Variants in THRB observed in about 807,000 individuals in gnomAD.
THRB encodes nuclear receptor subfamily 1 group A member 2.
Under a neutral mutation model 47.8 loss-of-function variants are expected in THRB, and 12 were observed. The ratio of observed to expected loss-of-function variants is 0.25; its 90% CI spans 0.16 to 0.41. The LOEUF (loss-of-function observed/expected upper bound fraction) is 0.41, where lower values mean the gene tolerates loss of function less well. Ranked by LOEUF, THRB falls within the 10% of genes least tolerant of loss-of-function variation. The probability of loss-of-function intolerance (pLI) is 1.00; values close to 1 mark genes in which losing one functional copy is unlikely to be tolerated. For missense variants in THRB, 348 were observed against 589.2 expected, an observed-to-expected ratio of 0.59 and a Z score of 4.24; for synonymous variants, 218 against 212.2, an observed-to-expected ratio of 1.03 and a Z score of -0.24.
rs185552168 is a variant in THRB at position 24,492,984 on chromosome 3, G to C, written c.-261+1668C>G. On this transcript the variant is annotated intron_variant, in intron 1 of 10. Coordinates refer to ENST00000646209, the MANE Select transcript of THRB (RefSeq NM_001354712.2). ...CACTTCCAATATATAATAAACCTCT[G>C]AGATCAGGTAAAAATAGATTCTGTT... is the stretch of plus-strand genomic sequence containing the variant. Among the ~76,000 whole-genome samples the C allele has an allele frequency of 2.0e-3, 298 of 152,276 alleles. 2 individuals carry two copies. Among genetic ancestry groups the C allele is most frequent in the Non-Finnish European group, 2.8e-3 (193 of 68,028 alleles).
chr3:24,225,257 G>A (rs948079248), intron 4 of THRB, among the ~76,000 whole-genome samples: 8 of 152,114 alleles, frequency 5.3e-5, no homozygotes, highest in Non-Finnish European at 8.8e-5. Flanking sequence ...GGGAAATTTT[G>A]GGGTAACATC....
intron 4 of THRB, among the ~76,000 whole-genome samples, chr3:24,208,641 G>C (rs1044258101): frequency 1.3e-5 from 2 of 152,194 alleles, no homozygotes; most frequent in Admixed American, 1.3e-4. Context: ...AAACTGGGTA[G>C]CCATATGTAG....
At chr3:24,188,940 T>A (rs2042988041) in intron 5 of THRB, among the ~76,000 whole-genome samples, 1 of 147,204 alleles carries the variant, frequency 6.8e-6, no homozygotes, top group African/African-American at 2.6e-5. Context: ...TAGTTTTGAC[T>A]GCACTCAAAT....
At chr3:24,417,121 C>T (rs2068808422) in intron 1 of THRB, among the ~76,000 whole-genome samples, 1 of 151,348 alleles carries the variant, frequency 6.6e-6, no homozygotes, top group African/African-American at 2.4e-5. Flanking sequence ...CACACACACA[C>T]ACACACACAC....
rs866600877 is a variant in THRB at position 24,321,699 on chromosome 3, A to C, written c.-189+15601T>G. ...TTCCCCTAAAGAACCGTGAATCCAAAATGTTAGGAATGATTGTCCTAGAAT... is the reference window on the plus strand; with the variant it reads ...TTCCCCTAAAGAACCGTGAATCCAACATGTTAGGAATGATTGTCCTAGAAT... On this transcript the variant is annotated intron_variant, in intron 2 of 10. Coordinates refer to ENST00000646209, the MANE Select transcript of THRB (RefSeq NM_001354712.2). 7.2e-5 allele frequency among the ~76,000 whole-genome samples: 11 copies of C among 152,190 alleles called. No individual in the cohort carries two copies. In the South Asian group the frequency reaches 8.3e-4, roughly 11 times the overall value.
At chr3:24,399,716 C>T (rs1225176854) in intron 1 of THRB, among the ~76,000 whole-genome samples, 5 of 152,106 alleles carry the variant, frequency 3.3e-5, no homozygotes, top group Non-Finnish European at 7.4e-5. Flanking sequence ...ACCTATGTCA[C>T]TTTCTCATTT....
intron 1 of THRB, among the ~76,000 whole-genome samples, chr3:24,346,636 T>C (rs1163703769): frequency 6.6e-6 from 1 of 152,046 alleles, no homozygotes; most frequent in Non-Finnish European, 1.5e-5. Flanking sequence ...GTAAATTATG[T>C]TAATATCAGA....
chr3:24,399,676 C>G (rs919467912), intron 1 of THRB, among the ~76,000 whole-genome samples: 1 of 152,100 alleles, frequency 6.6e-6, no homozygotes, highest in East Asian at 1.9e-4. Flanking sequence ...TATTTACAGA[C>G]TCTTCTGGCT....
At chr3:24,245,433 C>T (rs1437371850) in intron 3 of THRB, among the ~76,000 whole-genome samples, 2 of 152,112 alleles carry the variant, frequency 1.3e-5, no homozygotes, top group Non-Finnish European at 2.9e-5. Context: ...ACGGGATGTG[C>T]ACAAACAATT....
intron 1 of THRB, among the ~76,000 whole-genome samples, chr3:24,416,789 G>A (rs1342712903): frequency 1.3e-5 from 2 of 151,790 alleles, no homozygotes; most frequent in Non-Finnish European, 2.9e-5. Context: ...CCCTGCTCCA[G>A]ACTCACAGAA....
intron 1 of THRB, among the ~76,000 whole-genome samples, chr3:24,443,360 A>T (rs996139632): frequency 6.6e-6 from 1 of 152,238 alleles, no homozygotes; most frequent in African/African-American, 2.4e-5. Flanking sequence ...TATCTGGTTC[A>T]AAAAATAATC....
rs535343072 is a variant in THRB, at chr3:24,237,626, A to T, written c.-42-8625T>A. ...AAAGAGCATTGGCCTTGCCACTTAAATATGGGATACTGAGTCAGGAGTAAC... is the reference window on the plus strand; with the variant it reads ...AAAGAGCATTGGCCTTGCCACTTAATTATGGGATACTGAGTCAGGAGTAAC... On this transcript the variant is annotated intron_variant, in intron 3 of 10. Transcript: ENST00000646209. 3.9e-5 allele frequency among the ~76,000 whole-genome samples: 6 copies of T among 152,250 alleles called. No individual in the cohort carries two copies. The East Asian group carries it at 1.2e-3, about 29-fold the overall frequency.
At chr3:24,292,399 C>T (rs1399501061) in intron 3 of THRB, among the ~76,000 whole-genome samples, 1 of 152,074 alleles carries the variant, frequency 6.6e-6, no homozygotes, top group African/African-American at 2.4e-5. Context: ...GTCTTTCAGT[C>T]CCCAGAAGCA....
intron 3 of THRB, among the ~76,000 whole-genome samples, chr3:24,260,917 T>C (rs1055178691): frequency 1.3e-5 from 2 of 152,212 alleles, no homozygotes; most frequent in Non-Finnish European, 1.5e-5. Flanking sequence ...CCCAGACGGT[T>C]TGTTAAAACA....
intron 2 of THRB, among the ~76,000 whole-genome samples, chr3:24,335,910 T>A (rs1334629070): frequency 6.6e-6 from 1 of 152,148 alleles, no homozygotes; most frequent in Non-Finnish European, 1.5e-5. Flanking sequence ...ACCTCTGAGG[T>A]CACCTTGATT....
Position 24,120,357 on chromosome 3 carries a change from C to T in THRB, c.*2527G>A, listed in dbSNP as rs2031465948. The T allele has an allele frequency of 6.6e-6, 1 of 152,194 alleles. No individual in the cohort carries two copies. Among genetic ancestry groups the T allele is most frequent in the African/African-American group, 2.4e-5 (1 of 41,448 alleles). 9.4% of individuals were successfully genotyped at this position (152,194 alleles called of 1,614,324 possible). ...CAAACGTTCCTTTACTTGCGGCTGG[C>T]TGGATGGCTGTTTATATGCCATACT... On this transcript the variant is annotated 3_prime_UTR_variant, in exon 11 of 11. Transcript: ENST00000646209.
intron 1 of THRB, among the ~76,000 whole-genome samples, chr3:24,440,088 A>C (rs1166210626): frequency 6.6e-6 from 1 of 152,214 alleles, no homozygotes; most frequent in East Asian, 1.9e-4. Context: ...GTAAATAACA[A>C]ATCTATATAT....
chr3:24,299,859 A>G (rs1248007733), intron 2 of THRB, among the ~76,000 whole-genome samples: 2 of 146,722 alleles, frequency 1.4e-5, no homozygotes, highest in African/African-American at 5.1e-5. Flanking sequence ...TGGAGGAGGA[A>G]GCAGTGTACT....
chr3:24,236,193 G>A (rs1338118983), intron 3 of THRB, among the ~76,000 whole-genome samples: 1 of 152,136 alleles, frequency 6.6e-6, no homozygotes, highest in African/African-American at 2.4e-5. Flanking sequence ...CTGGTATTTG[G>A]GGAATATTTT....
Sources: allele counts gnomAD v4.1 joint callset (sites outside exome capture counted in the v4.1 genomes callset), GRCh38; gene constraint gnomAD v4.1.1; transcripts MANE v1.5; gene names NCBI Gene and HGNC (gene_info 2026-07-23, HGNC 2026-07-21).